The following TNFAIP6 variants were observed in gnomAD, a reference collection of about 807,000 sequenced individuals.
The protein encoded by TNFAIP6 is tumor necrosis factor-inducible gene 6 protein.
A neutral mutation model predicts 33.7 loss-of-function variants in TNFAIP6; 36 were observed. That is an observed-to-expected ratio of 1.07 (90% confidence interval 0.82 to 1.41). TNFAIP6 has a LOEUF of 1.41. TNFAIP6 is among the 40% of genes most tolerant of loss of function. The pLI, the probability that TNFAIP6 is intolerant of heterozygous loss-of-function variation, is 0.00. For missense variants in TNFAIP6, 273 were observed against 331.9 expected, an observed-to-expected ratio of 0.82 and a Z score of 1.38; for synonymous variants, 113 against 112.8, an observed-to-expected ratio of 1.00 and a Z score of -0.01.
At chr2:151,358,979 T>A (rs1160086883) in intron 1 of TNFAIP6, among the ~76,000 whole-genome samples, 3 of 152,212 alleles carry the variant, frequency 2.0e-5, no homozygotes, top group African/African-American at 7.2e-5. Context: ...GCAGATAAAC[T>A]TTGAAATATT....
At chr2:151,373,425 A>G (rs1430493363) in intron 4 of TNFAIP6, 124 bp from the exon 5 acceptor site, 1 of 468,944 alleles carries the variant, frequency 2.1e-6, no homozygotes, top group Non-Finnish European at 3.8e-6. Context: ...AAATAACAAT[A>G]GAAATTTTAA....
chr2:151,370,348 G>A (rs1684795588), intron 4 of TNFAIP6, 100 bp downstream of exon 4: 1 of 885,230 alleles, frequency 1.1e-6, no homozygotes, highest in African/African-American at 1.7e-5. Context: ...ATTGATTTTG[G>A]AATAGTTCTA....
intron 3 of TNFAIP6, among the ~76,000 whole-genome samples, chr2:151,367,814 G>T (rs1358434160): frequency 6.6e-6 from 1 of 151,462 alleles, no homozygotes; most frequent in Non-Finnish European, 1.5e-5. Flanking sequence ...TTGACCGCCT[G>T]AACTAGCACT....
In TNFAIP6 at chr2:151,370,254, T is replaced by C. The variant is rs371869773; in HGVS notation, c.623+6T>C. 1.1e-5 allele frequency: 17 copies of C among 1,603,738 alleles called. No individual in the cohort carries two copies. Among genetic ancestry groups the C allele is most frequent in the African/African-American group, 5.4e-5 (4 of 74,702 alleles). On this transcript the variant is annotated splice_donor_region_variant and intron_variant, in intron 4 of 5. Coordinates refer to ENST00000243347, the MANE Select transcript of TNFAIP6 (RefSeq NM_007115.4). ...GTCCATGGCTTTGTGGGAAGGTACG[T>C]ATGGGTCCCCATACAGGAAGTTAAA...
chr2:151,380,971 C>G (rs1353033077), downstream of TNFAIP6, among the ~76,000 whole-genome samples: 1 of 152,092 alleles, frequency 6.6e-6, no homozygotes, highest in East Asian at 1.9e-4. Context: ...TGTTTTGTCA[C>G]TTCACCTTTT....
intron 1 of TNFAIP6, among the ~76,000 whole-genome samples, chr2:151,363,629 T>C (rs1314776853): frequency 6.6e-6 from 1 of 151,660 alleles, no homozygotes; most frequent in Non-Finnish European, 1.5e-5. Context: ...GCCACTGCAC[T>C]CCAGCCTGGG....
Position 151,370,068 on chromosome 2 carries a change from C to A in TNFAIP6, c.443C>A (p.Ser148Tyr), listed in dbSNP as rs1249337236. Residue 148 changes from serine to tyrosine, a missense_variant, in exon 4 of 6, where the codon TCT becomes TAT. Physicochemically the swap from Ser to Tyr is moderately radical, Grantham distance 144. Coordinates refer to ENST00000243347, the MANE Select transcript of TNFAIP6 (RefSeq NM_007115.4). The part of the protein sequence containing the change: ...VFTDPKQIFK[S>Y]PGFPNEYEDN... ...ACAGATCCAAAGCAAATTTTTAAAT[C>A]TCCAGGCTTCCCAAATGAGTACGAA... 6.2e-7 allele frequency: 1 copy of A among 1,613,856 alleles called. No homozygotes were observed. Among genetic ancestry groups the A allele is most frequent in the African/African-American group, 1.3e-5 (1 of 74,876 alleles).
Position 151,379,747 on chromosome 2 carries a change from T to C in TNFAIP6, c.*214T>C. Reference sequence around the variant, plus strand: ...GCATAGAAATAACAAGCGTTAACATTTTCATATTTTTTTCTTTCAGTCATT... The same window carrying C: ...GCATAGAAATAACAAGCGTTAACATCTTCATATTTTTTTCTTTCAGTCATT... On this transcript the variant is annotated 3_prime_UTR_variant, in exon 6 of 6. Transcript: ENST00000243347. The C allele has an allele frequency of 3.1e-6, 1 of 325,722 alleles. No individual in the cohort carries two copies. The highest frequency in any genetic ancestry group is 5.4e-6 in the Non-Finnish European group (1 of 184,074). The allele number at this position is 325,722 out of a possible 1,614,324, so 20.2% of individuals were successfully genotyped here.
chr2:151,379,488 T>C lies in TNFAIP6; in HGVS notation c.789T>C (p.Ser263=). The change falls in exon 6 of 6, where the codon TCT becomes TCC. Residue 263 remains serine, a synonymous_variant. Transcript: ENST00000243347. ...SSQGKNTSTT[S]TGNKNFLAGR... The stretch of plus-strand genomic sequence containing the variant: ...AAGGAAAAAATACAAGTACTACTTC[T>C]ACTGGAAATAAAAACTTTTTAGCTG... The C allele has an allele frequency of 6.3e-7, 1 of 1,583,036 alleles. No individual in the cohort carries two copies.
intron 4 of TNFAIP6, among the ~76,000 whole-genome samples, chr2:151,372,719 C>T (rs1349069536): frequency 1.3e-5 from 2 of 151,970 alleles, no homozygotes; most frequent in African/African-American, 4.8e-5. Context: ...CAGGAGTTTG[C>T]GACCAGCCTG....
intron 4 of TNFAIP6, among the ~76,000 whole-genome samples, chr2:151,371,739 C>T (rs1424254994): frequency 1.3e-5 from 2 of 151,990 alleles, no homozygotes; most frequent in South Asian, 2.1e-4. Flanking sequence ...GGATTACAGG[C>T]GCCTACCACT....
At chr2:151,363,387 G>A (rs925643911) in intron 1 of TNFAIP6, among the ~76,000 whole-genome samples, 2 of 151,924 alleles carry the variant, frequency 1.3e-5, no homozygotes, top group African/African-American at 4.8e-5. Flanking sequence ...GCCAGGCCCA[G>A]TGGCTCATGG....
At chr2:151,367,278 A>T (rs1194861991) in intron 3 of TNFAIP6, among the ~76,000 whole-genome samples, 6 of 152,190 alleles carry the variant, frequency 3.9e-5, no homozygotes. Flanking sequence ...AATACTTAAC[A>T]GTGCATTTAT....
chr2:151,366,520 G>A (rs1684712649), intron 3 of TNFAIP6, among the ~76,000 whole-genome samples: 1 of 152,102 alleles, frequency 6.6e-6, no homozygotes, highest in Admixed American at 6.6e-5. Flanking sequence ...ATAATGATTA[G>A]GCAGATGGGA....
intron 5 of TNFAIP6, among the ~76,000 whole-genome samples, chr2:151,374,234 A>AC (rs922787151): frequency 1.1e-4 from 16 of 151,938 alleles, no homozygotes; most frequent in South Asian, 4.2e-4. Flanking sequence ...AATATTGCCC[A>AC]CCCCCCCATT....
intron 1 of TNFAIP6, 151 bp downstream of exon 1, chr2:151,357,911 G>GT: frequency 4.5e-6 from 2 of 449,380 alleles, no homozygotes; most frequent in Non-Finnish European, 7.9e-6. Flanking sequence ...GAATACATAC[G>GT]CTTTTTTTTT....
chr2:151,378,843 A>G (rs1684964700), intron 5 of TNFAIP6, among the ~76,000 whole-genome samples: 1 of 150,548 alleles, frequency 6.6e-6, no homozygotes, highest in Admixed American at 6.6e-5. Flanking sequence ...CACGCCTGTA[A>G]TCCCAACACT....
chr2:151,363,533 G>A (rs1366438716), intron 1 of TNFAIP6, among the ~76,000 whole-genome samples: 3 of 150,296 alleles, frequency 2.0e-5, no homozygotes, highest in African/African-American at 4.9e-5. Flanking sequence ...GTGATGGCGG[G>A]CACCTGTAGT....
chr2:151,372,235 T>C (rs887444015), intron 4 of TNFAIP6: 1 of 152,202 alleles, frequency 6.6e-6, no homozygotes, highest in Non-Finnish European at 1.5e-5. Context: ...GGAAGGAGCC[T>C]ATGAATAAAC....
Sources: allele counts gnomAD v4.1 joint callset (sites outside exome capture counted in the v4.1 genomes callset), GRCh38; gene constraint gnomAD v4.1.1; transcripts MANE v1.5; gene names NCBI Gene and HGNC (gene_info 2026-07-23, HGNC 2026-07-21).